The following ACTL8 variants were observed in gnomAD, a reference collection of about 807,000 sequenced individuals.
ACTL8 encodes the protein actin-like protein 8.
A neutral mutation model predicts 9.3 loss-of-function variants in ACTL8; 3 were observed. That is an observed-to-expected ratio of 0.32 (90% CI 0.15 to 0.83). The LOEUF is 0.83. Among genes scored for constraint, ACTL8 ranks in the 40% least tolerant of loss-of-function variants. ACTL8 has a pLI of 0.57. For synonymous variants in ACTL8, 224 were observed against 205.9 expected (o/e 1.09, Z -0.75); for missense variants, 381 against 492.2 (o/e 0.77, Z 2.14).
At chr1:17,800,855 A>G (rs2102692630) in intron 1 of ACTL8, among the ~76,000 whole-genome samples, 1 of 151,938 alleles carries the variant, frequency 6.6e-6, no homozygotes, top group East Asian at 1.9e-4. Context: ...AGCCTCCCAA[A>G]GCGCTGGGAT....
chr1:17,826,395 C>G lies in ACTL8; in HGVS notation c.977C>G (p.Thr326Arg). The G allele has an allele frequency of 6.2e-7, 1 of 1,614,130 alleles. No individual in the cohort carries two copies. Among genetic ancestry groups the G allele is most frequent in the South Asian group, 1.1e-5 (1 of 91,074 alleles). ...MGDHVSSTKA[T>R]VWEGSNRNFS... ...GATCACGTCTCCTCCACCAAGGCCA[C>G]AGTCTGGGAGGGTTCCAATAGAAAC... The change falls in exon 3 of 3, where the codon ACA becomes AGA. Residue 326 changes from threonine to arginine, a missense_variant. Thr to Arg is a moderately conservative substitution (Grantham distance 71, BLOSUM62 -1). Around this residue, in one of 3 missense-constraint regions of ACTL8, gnomAD observed 243 missense variants for 276.2 expected, o/e 0.88. Transcript: ENST00000375406. The surrounding 1 kb of genome is among the most constrained non-coding windows in gnomAD (Gnocchi z 4.5).
At chr1:17,788,143 C>T (rs927670581) in intron 1 of ACTL8, among the ~76,000 whole-genome samples, 5 of 152,220 alleles carry the variant, frequency 3.3e-5, no homozygotes, top group African/African-American at 7.2e-5. Flanking sequence ...GATATCAACC[C>T]TCTTTTTGCC....
chr1:17,763,088 G>A (rs2066018949), intron 1 of ACTL8, among the ~76,000 whole-genome samples: 1 of 151,170 alleles, frequency 6.6e-6, no homozygotes, highest in Non-Finnish European at 1.5e-5. Context: ...TAGGTCTCTG[G>A]GAATTTTCAT....
intron 1 of ACTL8, among the ~76,000 whole-genome samples, chr1:17,796,379 T>C (rs1172566271): frequency 1.3e-5 from 2 of 151,726 alleles, no homozygotes; most frequent in African/African-American, 4.8e-5. Flanking sequence ...CTAGCACTGC[T>C]GGAGTGATGG....
intron 1 of ACTL8, among the ~76,000 whole-genome samples, chr1:17,803,098 C>CT (rs1308670703): frequency 1.3e-5 from 2 of 152,150 alleles, no homozygotes; most frequent in East Asian, 3.9e-4. Flanking sequence ...GTGGGAGGGA[C>CT]TTGGTGGGAG....
At chr1:17,786,352 C>T (rs1224419310) in intron 1 of ACTL8, among the ~76,000 whole-genome samples, 1 of 152,216 alleles carries the variant, frequency 6.6e-6, no homozygotes, top group Non-Finnish European at 1.5e-5. Flanking sequence ...CGCCTTCAGG[C>T]GTGTCTGCCT....
At chr1:17,799,191 C>G (rs1454632853) in intron 1 of ACTL8, among the ~76,000 whole-genome samples, 1 of 152,184 alleles carries the variant, frequency 6.6e-6, no homozygotes, top group Non-Finnish European at 1.5e-5. Flanking sequence ...ATCAAATTCA[C>G]CGTGTTCCCA....
intron 1 of ACTL8, among the ~76,000 whole-genome samples, chr1:17,773,090 GAAGCC>G (rs2102679307): frequency 2.0e-5 from 3 of 152,166 alleles, no homozygotes; most frequent in African/African-American, 7.2e-5. Context: ...GTAATCCTCC[GAAGCC>G]CCTCGAGAAG....
At chr1:17,818,461 C>A (rs1405937093) in intron 1 of ACTL8, among the ~76,000 whole-genome samples, 1 of 152,242 alleles carries the variant, frequency 6.6e-6, no homozygotes, top group Non-Finnish European at 1.5e-5. Context: ...CCTCCCACAT[C>A]TGCAAGCATG....
intron 1 of ACTL8, among the ~76,000 whole-genome samples, chr1:17,759,134 G>C (rs1447754761): frequency 6.6e-6 from 1 of 152,232 alleles, no homozygotes; most frequent in Non-Finnish European, 1.5e-5. Flanking sequence ...AAGCTAAGTA[G>C]TCAAAGAGAT....
At chr1:17,824,048 TGGG>T (rs1369024196) in intron 2 of ACTL8, among the ~76,000 whole-genome samples, 1 of 152,072 alleles carries the variant, frequency 6.6e-6, no homozygotes, top group East Asian at 1.9e-4. Flanking sequence ...GGTGGACTGT[TGGG>T]GGTGGGGAAC....
Position 17,767,009 on chromosome 1 carries a change from G to A in ACTL8, c.-25+11505G>A, listed in dbSNP as rs777486420. 6.6e-6 allele frequency among the ~76,000 whole-genome samples: 1 copy of A among 152,198 alleles called. No individual in the cohort carries two copies. The highest frequency in any genetic ancestry group is 6.5e-5 in the Admixed American group (1 of 15,276). ...GAGACAAGATATGCAGATGATGAAT[G>A]TGGTTTCAGGTTGGGAGAACTATGG... On this transcript the variant is annotated intron_variant, in intron 1 of 2. Transcript: ENST00000375406. This position sits in a 1 kb window ranked among gnomAD's most constrained non-coding sequence, Gnocchi z 4.7.
intron 1 of ACTL8, among the ~76,000 whole-genome samples, chr1:17,783,870 G>C (rs191943896): frequency 6.6e-6 from 1 of 152,210 alleles, no homozygotes; most frequent in East Asian, 1.9e-4. Context: ...CCTTTGAATT[G>C]TTAGTAGCTT....
chr1:17,777,172 C>T (rs1038237631), intron 1 of ACTL8, among the ~76,000 whole-genome samples: 7 of 151,806 alleles, frequency 4.6e-5, no homozygotes, highest in East Asian at 1.9e-4. Flanking sequence ...GCAGAACAAG[C>T]GCCTCTCTTT....
At chr1:17,764,098 G>T (rs1259035001) in intron 1 of ACTL8, among the ~76,000 whole-genome samples, 2 of 152,130 alleles carry the variant, frequency 1.3e-5, no homozygotes, top group African/African-American at 4.8e-5. Flanking sequence ...GTGGGGGTGG[G>T]GGTGCTGGTG....
chr1:17,782,578 G>A (rs565724882), intron 1 of ACTL8, among the ~76,000 whole-genome samples: 5 of 152,048 alleles, frequency 3.3e-5, no homozygotes, highest in African/African-American at 4.8e-5. Context: ...CATACGTAAC[G>A]GTGTAACTCA....
intron 1 of ACTL8, among the ~76,000 whole-genome samples, chr1:17,790,614 GCAC>G (rs1186215696): frequency 2.0e-5 from 3 of 152,196 alleles, no homozygotes; most frequent in Non-Finnish European, 4.4e-5. Context: ...CCCAGAAAAG[GCAC>G]CACAAGTTCC....
chr1:17,771,025 G>A (rs1435383800), intron 1 of ACTL8, among the ~76,000 whole-genome samples: 1 of 152,182 alleles, frequency 6.6e-6, no homozygotes, highest in Admixed American at 6.5e-5. Context: ...CCGCCTCATA[G>A]GTTATCGTGA....
At chr1:17,766,879 A>G (rs1179797987) in intron 1 of ACTL8, among the ~76,000 whole-genome samples, 2 of 152,200 alleles carry the variant, frequency 1.3e-5, no homozygotes, top group African/African-American at 4.8e-5. Context: ...GAATGAATGA[A>G]TGAATGAATC....
Sources: gnomAD v4.1 joint callset for allele counts (sites outside exome capture counted in the v4.1 genomes callset) on GRCh38, gnomAD v4.1.1 for gene constraint, gnomAD v4.1.1 regional missense constraint, Gnocchi (gnomAD v3.1) non-coding constraint, MANE v1.5 for transcripts, NCBI Gene and HGNC (gene_info 2026-07-23, HGNC 2026-07-21) for gene names.